The following COL16A1 variants were observed in gnomAD, a reference collection of about 807,000 sequenced individuals.
COL16A1 encodes collagen type XVI alpha 1 chain.
In COL16A1, 189 loss-of-function variants were observed where a neutral mutation model predicts 266.3. The ratio of observed to expected loss-of-function variants is 0.71; its 90% CI spans 0.63 to 0.80. COL16A1 has a LOEUF of 0.80. Ranked by LOEUF, COL16A1 falls within the 30% of genes least tolerant of loss-of-function variation. COL16A1 has a pLI of 0.00. For synonymous variants in COL16A1, 740 were observed against 782.3 expected (o/e 0.95, Z 0.90); for missense variants, 1,928 against 2,122.4 (o/e 0.91, Z 1.80).
Position 31,692,490 on chromosome 1 carries a change from C to A in COL16A1, c.1178G>T (p.Gly393Val). 1 of 1,613,688 alleles carries A rather than the reference C, an allele frequency of 6.2e-7. No individual in the cohort carries two copies. The highest frequency in any genetic ancestry group is 8.5e-7 in the Non-Finnish European group (1 of 1,179,716). The change falls in exon 16 of 71, where the codon GGC becomes GTC. Residue 393 changes from glycine (G) to valine (V), a missense_variant. Gly to Val is a moderately radical substitution (Grantham distance 109). This residue lies in a region of COL16A1 where 1,552 missense variants were observed against 1,637.2 expected (regional missense o/e 0.95). Transcript: ENST00000373672. ...GCTTGTTACCTTCTCGCCTGTTGAG[C>A]CTGGGAGTCCTGAGGGTCCCTGAGA... ...SGALGPSGLP[G>V]STGEKGQKGE...
In COL16A1 at chr1:31,697,283, C is replaced by A. The variant is rs767612362; in HGVS notation, c.675G>T (p.Val225=). ...GKPVSFDLQQ[V]HIYCDPELVL... ...CGAGCTCCGGGTCACAGTAGATGTG[C>A]ACCTGCTGAAGGTCAAACTGCAGGA... Residue 225 remains valine, a synonymous_variant, in exon 7 of 71, where the codon GTG becomes GTT. Coordinates refer to ENST00000373672, the MANE Select transcript of COL16A1 (RefSeq NM_001856.4). This position sits in a 1 kb window ranked among gnomAD's most constrained non-coding sequence, Gnocchi z 4.2. 3.7e-6 allele frequency: 6 copies of A among 1,610,674 alleles called. No individual in the cohort carries two copies. Among genetic ancestry groups the A allele is most frequent in the Non-Finnish European group, 5.1e-6 (6 of 1,178,386 alleles).
At chr1:31,701,303 A>G in intron 2 of COL16A1, 2 of 984,246 alleles carry the variant, frequency 2.0e-6, no homozygotes, top group South Asian at 9.4e-5. Flanking sequence ...CAGGGGACCC[A>G]GTGAGGGAGA....
intron 62 of COL16A1, among the ~76,000 whole-genome samples, 176 bp from the exon 63 acceptor site, chr1:31,659,140 A>G (rs1641427898): frequency 6.6e-6 from 1 of 152,198 alleles, no homozygotes; most frequent in Non-Finnish European, 1.5e-5. Context: ...CCCAGAGCTG[A>G]GGCCTGGGGG....
Position 31,672,465 on chromosome 1 carries a change from C to G in COL16A1, c.3056G>C (p.Ser1019Thr), listed in dbSNP as rs767283658. ...TCCCGGAGGACCAGGTAGGCCTGGG[C>G]TCCCAACACAGCCAGGATCTCCCTC... is the stretch of plus-strand genomic sequence containing the variant. ...NSEGDPGCVG[S>T]PGLPGPPGLP... The change falls in exon 47 of 71, where the codon AGC becomes ACC. Residue 1019 changes from serine (S) to threonine (T), a missense_variant. By Grantham distance (58) the Ser-to-Thr change is moderately conservative. This residue lies in a region of COL16A1 where 1,552 missense variants were observed against 1,637.2 expected (regional missense o/e 0.95). Coordinates refer to ENST00000373672, the MANE Select transcript of COL16A1 (RefSeq NM_001856.4). The G allele has an allele frequency of 1.2e-6, 2 of 1,614,174 alleles. No homozygotes were observed. Among genetic ancestry groups the G allele is most frequent in the Admixed American group, 3.3e-5 (2 of 60,014 alleles).
intron 47 of COL16A1, among the ~76,000 whole-genome samples, 200 bp downstream of exon 47, chr1:31,672,216 G>A (rs1022776220): frequency 1.8e-4 from 28 of 152,168 alleles, no homozygotes; most frequent in Admixed American, 3.3e-4. Flanking sequence ...GCAGGCAGAG[G>A]ATGCAGCTGG....
Position 31,696,887 on chromosome 1 carries a change from G to C in COL16A1, c.864+76C>G, listed in dbSNP as rs1217547133. 9 of 1,595,064 alleles carry C rather than the reference G, an allele frequency of 5.6e-6. No homozygotes were observed. In the East Asian group the frequency reaches 1.8e-4, roughly 32 times the overall value. On this transcript the variant is annotated intron_variant, in intron 8 of 70. Transcript: ENST00000373672. ...CCATGGCCAACTGACCCTGGTGGCA[G>C]ACGTCAGTCAGCTCAGGGGAGGGGT...
rs571779408 is a variant in COL16A1 at position 31,693,658 on chromosome 1, C to T, written c.1008+486G>A. ...CACAACTCACAGTTGCATAGCTTCG[C>T]TCCCCATCACTCACAAGCTCTGCAG... On this transcript the variant is annotated intron_variant, in intron 12 of 70. Coordinates refer to ENST00000373672, the MANE Select transcript of COL16A1 (RefSeq NM_001856.4). 9.2e-5 allele frequency among the ~76,000 whole-genome samples: 14 copies of T among 152,338 alleles called. No individual in the cohort carries two copies. The South Asian group carries it at 2.7e-3, about 29-fold the overall frequency.
intron 42 of COL16A1, chr1:31,679,410 C>A: frequency 6.5e-7 from 1 of 1,548,352 alleles, no homozygotes; most frequent in South Asian, 1.2e-5. Flanking sequence ...ACAGCTGACG[C>A]AACAGTGCAT....
chr1:31,674,484 C>A (rs989185645), intron 44 of COL16A1, among the ~76,000 whole-genome samples: 3 of 152,236 alleles, frequency 2.0e-5, no homozygotes, highest in Admixed American at 6.5e-5. Flanking sequence ...TGTGTACAGG[C>A]CCTGGCACAG....
chr1:31,685,706 G>C lies in COL16A1; in HGVS notation c.1949C>G (p.Ala650Gly), dbSNP rs1386429305. The change falls in exon 29 of 71, where the codon GCC (alanine) becomes GGC (glycine). Residue 650 changes from alanine (A) to glycine (G), a missense_variant. Transcript: ENST00000373672. The surrounding 1 kb of genome is among the most constrained non-coding windows in gnomAD (Gnocchi z 4.0). ...NLQDGDVRVV[A>G]LPGPSGEKGE... ...CTTCTCTCCGGATGGGCCAGGCAAG[G>C]CCACCACACGGACATCCCCATCCTG... 13 of 1,613,868 alleles carry C rather than the reference G, an allele frequency of 8.1e-6. No homozygotes were observed. The highest frequency in any genetic ancestry group is 1.1e-5 in the Non-Finnish European group (13 of 1,180,022).
In COL16A1 at chr1:31,683,098, T is replaced by C. The variant is rs1241229796; in HGVS notation, c.2469+96A>G. On this transcript the variant is annotated intron_variant, in intron 36 of 70. Transcript: ENST00000373672. ...CATCTCAACAGATCTTAGGCAGCCC[T>C]CTGATAGGCATCACTTGGCCCCCAT... 3.1e-6 allele frequency: 5 copies of C among 1,608,552 alleles called. No individual in the cohort carries two copies. The East Asian group carries it at 6.7e-5, about 22-fold the overall frequency.
Position 31,691,132 on chromosome 1 carries a change from TCTC to T in COL16A1, c.1437+53_1437+55del, listed in dbSNP as rs1335003730. Reference sequence around the variant, plus strand: ...TGGGAAGCTGCCCCGGCCCCTTCTCTCTCCTCCTGTCAAGCATGGAGCTCCCCA... The same window carrying T: ...TGGGAAGCTGCCCCGGCCCCTTCTCTCTCCTGTCAAGCATGGAGCTCCCCA... On this transcript the variant is annotated intron_variant, in intron 20 of 70. Coordinates refer to ENST00000373672, the MANE Select transcript of COL16A1 (RefSeq NM_001856.4). 4 of 1,589,188 alleles carry T rather than the reference TCTC, an allele frequency of 2.5e-6. No homozygotes were observed. The African/African-American group carries it at 5.4e-5, about 22-fold the overall frequency.
At chr1:31,686,991 C>T (rs369454522) in intron 26 of COL16A1, among the ~76,000 whole-genome samples, 59 of 152,266 alleles carry the variant, frequency 3.9e-4, no homozygotes, top group Non-Finnish European at 6.8e-4. Flanking sequence ...CTGGGGCATC[C>T]GGGGTCCTGT....
At chr1:31,679,947 C>T (rs562395074) in intron 40 of COL16A1, 95 bp downstream of exon 40, 50 of 1,565,554 alleles carry the variant, frequency 3.2e-5, no homozygotes, top group Admixed American at 5.6e-5. Flanking sequence ...GGCTGGGGTG[C>T]GTGGCCCTGC....
chr1:31,662,193 G>A, intron 58 of COL16A1, 141 bp downstream of exon 58: 5 of 1,468,804 alleles, frequency 3.4e-6, no homozygotes, highest in Non-Finnish European at 4.6e-6. Flanking sequence ...GGGGTAGAGG[G>A]AGACAGACCG....
chr1:31,662,614 AG>A lies in COL16A1; in HGVS notation c.3599del (p.Pro1200LeufsTer27). ...GAATCCCAGGAGGTCCCGGTGGCCC[AG>A]GGGAGCCAGGCAGGCCTGATGGGCC... ...IRGPSGLPGS[P>X]GPPGPPGIQG... On this transcript the variant is annotated frameshift_variant, in exon 57 of 71. Coordinates refer to ENST00000373672, the MANE Select transcript of COL16A1 (RefSeq NM_001856.4). LOFTEE classifies it high-confidence loss of function. The A allele has an allele frequency of 6.4e-7, 1 of 1,561,700 alleles. No individual in the cohort carries two copies. The highest frequency in any genetic ancestry group is 8.7e-7 in the Non-Finnish European group (1 of 1,153,288).
At position 31,688,053 on chromosome 1, in the gene COL16A1, C is replaced by T. The variant is rs929956707; in HGVS notation, c.1803+414G>A. ...TCCAATCACCTGGCAATTTACTTGG[C>T]CTTTGTGTGCCTCCGTTTCCTCATC... On this transcript the variant is annotated intron_variant, in intron 26 of 70. Transcript: ENST00000373672. The surrounding 1 kb of genome is among the most constrained non-coding windows in gnomAD (Gnocchi z 4.9). Among the ~76,000 whole-genome samples the T allele has an allele frequency of 1.3e-5, 2 of 152,128 alleles. No individual in the cohort carries two copies. Among genetic ancestry groups the T allele is most frequent in the Admixed American group, 6.5e-5 (1 of 15,284 alleles).
At position 31,698,144 on chromosome 1, in the gene COL16A1, C is replaced by G. The variant is rs751516403; in HGVS notation, c.419G>C (p.Arg140Pro). 6 of 1,613,748 alleles carry G rather than the reference C, an allele frequency of 3.7e-6. No individual in the cohort carries two copies. Among genetic ancestry groups the G allele is most frequent in the Non-Finnish European group, 5.1e-6 (6 of 1,180,038 alleles). Residue 140 changes from arginine to proline, a missense_variant, in exon 6 of 71, where the codon CGG becomes CCG. Arg to Pro is a moderately radical substitution (Grantham distance 103). Coordinates refer to ENST00000373672, the MANE Select transcript of COL16A1 (RefSeq NM_001856.4). This position sits in a 1 kb window ranked among gnomAD's most constrained non-coding sequence, Gnocchi z 4.1. ...QISLEVNSQERSLELRAQGQD... is the reference protein window; with the variant it reads ...QISLEVNSQEPSLELRAQGQD... ...GCCCTGGGCCCTGAGCTCCAGGCTC[C>G]GCTCTTGGCTGTTGACTTCCAGGGA...
chr1:31,690,310 G>T (rs6425780), intron 22 of COL16A1, 57 bp downstream of exon 22: 830,169 of 1,608,994 alleles, frequency 0.52, 222,092 homozygotes, highest in African/African-American at 0.68. Context: ...TCACTGTCAT[G>T]TGCAGAAAGG....
Sources: allele counts gnomAD v4.1 joint callset (sites outside exome capture counted in the v4.1 genomes callset), GRCh38; gene constraint gnomAD v4.1.1; regional missense constraint gnomAD v4.1.1; non-coding constraint Gnocchi (gnomAD v3.1); transcripts MANE v1.5; gene names NCBI Gene and HGNC (gene_info 2026-07-23, HGNC 2026-07-21).